Variants in NFATC1 observed in about 807,000 individuals in gnomAD.
The protein encoded by NFATC1 is nuclear factor of activated T cells 1.
A neutral mutation model predicts 76.0 loss-of-function variants in NFATC1; 22 were observed. The observed-to-expected ratio is 0.29, with a 90% confidence interval of 0.21 to 0.41. The LOEUF is 0.41. Among genes scored for constraint, NFATC1 ranks in the 10% least tolerant of loss-of-function variants. The pLI is 1.00. For synonymous variants in NFATC1, 704 were observed against 613.1 expected (o/e 1.15, Z -2.19); for missense variants, 1,357 against 1,337.7 (o/e 1.01, Z -0.23).
At chr18:79,485,651 C>T (rs2089471158) in intron 8 of NFATC1, among the ~76,000 whole-genome samples, 1 of 152,224 alleles carries the variant, frequency 6.6e-6, no homozygotes, top group Non-Finnish European at 1.5e-5. Context: ...ACTCGGGAGC[C>T]CCCTGTTCCA....
chr18:79,420,642 A>G (rs931397943), intron 2 of NFATC1, among the ~76,000 whole-genome samples: 1 of 150,922 alleles, frequency 6.6e-6, no homozygotes, highest in African/African-American at 2.4e-5. Flanking sequence ...ATGCGTTTCC[A>G]GGCAAGGTCG....
chr18:79,476,830 C>T (rs984978182), intron 8 of NFATC1, among the ~76,000 whole-genome samples: 28 of 152,208 alleles, frequency 1.8e-4, no homozygotes, highest in Non-Finnish European at 7.3e-5. Context: ...AGGTCTGTGG[C>T]GTGCATGGTT....
At position 79,524,453 on chromosome 18, in the gene NFATC1, A is replaced by G. The variant is rs1476579778; in HGVS notation, c.2783-3075A>G. On this transcript the variant is annotated intron_variant, in intron 9 of 9. Transcript: ENST00000427363. This position sits in a 1 kb window ranked among gnomAD's most constrained non-coding sequence, Gnocchi z 7.2. ...ATCCCGCTCTCTGTCAGCTGCTGCC[A>G]TGGGGCAGCGGGAAGGCCCTGGAGG... Among the ~76,000 whole-genome samples the G allele has an allele frequency of 6.6e-6, 1 of 152,174 alleles. No individual in the cohort carries two copies. Among genetic ancestry groups the G allele is most frequent in the Non-Finnish European group, 1.5e-5 (1 of 68,028 alleles).
chr18:79,410,409 A>G lies in NFATC1; in HGVS notation c.134A>G (p.Tyr45Cys), dbSNP rs776639115. The G allele has an allele frequency of 4.4e-6, 7 of 1,608,216 alleles. No homozygotes were observed. In the South Asian group the frequency reaches 5.5e-5, roughly 13 times the overall value. The change falls in exon 2 of 10, where the codon TAT (tyrosine) becomes TGT (cysteine). Residue 45 changes from tyrosine to cysteine, a missense_variant. Physicochemically the swap from Tyr to Cys is radical, Grantham distance 194 (BLOSUM62 -2). This residue lies in a region of NFATC1 where 691 missense variants were observed against 613.1 expected (regional missense o/e 1.13). Coordinates refer to ENST00000427363, the MANE Select transcript of NFATC1 (RefSeq NM_001278669.2). This position sits in a 1 kb window ranked among gnomAD's most constrained non-coding sequence, Gnocchi z 6.7. Reference protein sequence around the residue: ...GTMKSAEEEHYGYASSNVSPA... With the variant: ...GTMKSAEEEHCGYASSNVSPA... ...TGCTTCTTTTTCTCTCTAGAACACT[A>G]TGGCTATGCATCCTCCAACGTCAGC... is the stretch of plus-strand genomic sequence containing the variant.
chr18:79,442,633 G>A (rs530015778), intron 3 of NFATC1, among the ~76,000 whole-genome samples: 4 of 152,368 alleles, frequency 2.6e-5, no homozygotes, highest in South Asian at 2.1e-4. Context: ...GTTCACAGAC[G>A]TGCGGTGGCG....
intron 1 of NFATC1, among the ~76,000 whole-genome samples, chr18:79,399,095 G>A (rs1481318629): frequency 6.6e-6 from 1 of 152,252 alleles, no homozygotes; most frequent in Non-Finnish European, 1.5e-5. Flanking sequence ...ACAATGGAAA[G>A]AGAATGAAAC....
At chr18:79,404,046 G>A (rs1181497589) in intron 1 of NFATC1, among the ~76,000 whole-genome samples, 2 of 152,242 alleles carry the variant, frequency 1.3e-5, no homozygotes, top group Non-Finnish European at 2.9e-5. Flanking sequence ...GAATATTTCA[G>A]TTCTGTGTCG....
chr18:79,516,725 G>A lies in NFATC1; in HGVS notation c.2783-10803G>A, dbSNP rs570881539. Among the ~76,000 whole-genome samples the A allele has an allele frequency of 3.1e-4, 47 of 152,272 alleles. 1 individual carries two copies. Among genetic ancestry groups the A allele is most frequent in the African/African-American group, 1.0e-3 (42 of 41,554 alleles). ...AAATTAAAAAACCCACATGAGAGGCGGCCTCTTCAGTTACCTTGGCGCACA... is the reference window on the plus strand; with the variant it reads ...AAATTAAAAAACCCACATGAGAGGCAGCCTCTTCAGTTACCTTGGCGCACA... On this transcript the variant is annotated intron_variant, in intron 9 of 9. Transcript: ENST00000427363.
At chr18:79,408,064 G>C (rs996625506) in intron 1 of NFATC1, among the ~76,000 whole-genome samples, 5 of 152,198 alleles carry the variant, frequency 3.3e-5, no homozygotes, top group African/African-American at 9.7e-5. Context: ...TCCTGGGATT[G>C]AGGCCACGGT....
intron 9 of NFATC1, among the ~76,000 whole-genome samples, chr18:79,518,976 A>C (rs957285204): frequency 2.0e-5 from 3 of 152,210 alleles, no homozygotes; most frequent in African/African-American, 7.2e-5. Flanking sequence ...GGTCTCAGTC[A>C]AACCTCTTCC....
At chr18:79,436,431 G>A (rs1397714872) in intron 3 of NFATC1, among the ~76,000 whole-genome samples, 3 of 152,236 alleles carry the variant, frequency 2.0e-5, no homozygotes, top group African/African-American at 7.2e-5. Flanking sequence ...CTGCAGTGCA[G>A]CTGAGCCCTG....
At chr18:79,459,318 G>T (rs572953969) in intron 6 of NFATC1, among the ~76,000 whole-genome samples, 1 of 152,336 alleles carries the variant, frequency 6.6e-6, no homozygotes, top group East Asian at 1.9e-4. Flanking sequence ...GGGAAAAGAC[G>T]CCTCCATGCC....
At chr18:79,463,310 G>C (rs2088224165) in intron 7 of NFATC1, among the ~76,000 whole-genome samples, 1 of 152,210 alleles carries the variant, frequency 6.6e-6, no homozygotes, top group South Asian at 2.1e-4. Context: ...AGTGTTCAGA[G>C]GAAGGAGTCC....
At chr18:79,526,514 G>A (rs897513279) in intron 9 of NFATC1, among the ~76,000 whole-genome samples, 2 of 152,134 alleles carry the variant, frequency 1.3e-5, no homozygotes, top group African/African-American at 4.8e-5. Context: ...TGGCGGGGCC[G>A]GGCATGTGGG....
At chr18:79,488,298 TTGTGTGTGTGTGTGTGTG>T (rs3222211) in intron 9 of NFATC1, among the ~76,000 whole-genome samples, 12 of 141,100 alleles carry the variant, frequency 8.5e-5, no homozygotes, top group East Asian at 6.2e-4. Context: ...GCAGCCCTGG[TTGTGTGTGTGTGTGTGTG>T]TGTGTGTGTG....
Position 79,467,467 on chromosome 18 carries a change from G to C in NFATC1, c.1977G>C (p.Glu659Asp). 1 of 1,607,182 alleles carries C rather than the reference G, an allele frequency of 6.2e-7. No individual in the cohort carries two copies. Among genetic ancestry groups the C allele is most frequent in the Non-Finnish European group, 8.5e-7 (1 of 1,175,172 alleles). Residue 659 changes from glutamate (E) to aspartate (D), a missense_variant, in exon 8 of 10, where the codon GAG becomes GAC. Around this residue, in one of 3 missense-constraint regions of NFATC1, gnomAD observed 242 missense variants for 329.2 expected, o/e 0.74. Coordinates refer to ENST00000427363, the MANE Select transcript of NFATC1 (RefSeq NM_001278669.2). The part of the protein sequence containing the change: ...DLCKPNSLVV[E>D]IPPFRNQRIT... ...TCCTGTAGAATTCTCTGGTGGTTGAGATCCCGCCATTTCGGAATCAGAGGA... is the reference window on the plus strand; with the variant it reads ...TCCTGTAGAATTCTCTGGTGGTTGACATCCCGCCATTTCGGAATCAGAGGA...
chr18:79,456,434 C>G (rs919811997), intron 6 of NFATC1, among the ~76,000 whole-genome samples: 1 of 152,212 alleles, frequency 6.6e-6, no homozygotes, highest in Admixed American at 6.5e-5. Context: ...GGGAGGTTCA[C>G]CCACCCCAGG....
At chr18:79,463,531 C>G (rs952223427) in intron 7 of NFATC1, among the ~76,000 whole-genome samples, 1 of 137,558 alleles carries the variant, frequency 7.3e-6, no homozygotes, top group Non-Finnish European at 1.6e-5. Context: ...TTCCTGTGCC[C>G]ATAAGGTCTG....
At chr18:79,508,561 C>T (rs1195910019) in intron 9 of NFATC1, among the ~76,000 whole-genome samples, 4 of 152,160 alleles carry the variant, frequency 2.6e-5, no homozygotes, top group Admixed American at 1.3e-4. Flanking sequence ...GGCTCATAAA[C>T]GCACGGAGGG....
Sources: allele counts gnomAD v4.1 joint callset (sites outside exome capture counted in the v4.1 genomes callset), GRCh38; gene constraint gnomAD v4.1.1; regional missense constraint gnomAD v4.1.1; non-coding constraint Gnocchi (gnomAD v3.1); transcripts MANE v1.5; gene names NCBI Gene and HGNC (gene_info 2026-07-23, HGNC 2026-07-21).